Variants in RORA observed in about 807,000 individuals in gnomAD.
RORA encodes the protein nuclear receptor ROR-alpha.
In RORA, 7 loss-of-function variants were observed where a neutral mutation model predicts 69.5. The observed-to-expected ratio is 0.10, with a 90% CI of 0.06 to 0.19. RORA has a LOEUF of 0.19. Among genes scored for constraint, RORA ranks in the 10% least tolerant of loss-of-function variants. The pLI is 1.00. For synonymous variants in RORA, 261 were observed against 240.8 expected (o/e 1.08, Z -0.78); for missense variants, 457 against 663.0 (o/e 0.69, Z 3.41).
At chr15:61,191,097 T>C (rs1287090109) in intron 1 of RORA, among the ~76,000 whole-genome samples, 1 of 152,030 alleles carries the variant, frequency 6.6e-6, no homozygotes, top group Non-Finnish European at 1.5e-5. Flanking sequence ...GGAAACAACA[T>C]AGTCTTTAAA....
At chr15:60,599,983 G>A (rs1240447809) in intron 2 of RORA, among the ~76,000 whole-genome samples, 1 of 152,194 alleles carries the variant, frequency 6.6e-6, no homozygotes, top group East Asian at 1.9e-4. Context: ...TATTTCATCA[G>A]AGTGAAAAGC....
chr15:60,630,980 C>G (rs2069724876), intron 2 of RORA, among the ~76,000 whole-genome samples: 1 of 151,322 alleles, frequency 6.6e-6, no homozygotes, highest in African/African-American at 2.4e-5. Flanking sequence ...TCCTCCACCT[C>G]CTGGGTTCAA....
In RORA at chr15:60,925,273, C is replaced by T. The variant is rs2140493763; in HGVS notation, c.167-246587G>A. Among the ~76,000 whole-genome samples the T allele has an allele frequency of 1.3e-5, 2 of 152,224 alleles. 1 individual carries two copies. Among genetic ancestry groups the T allele is most frequent in the South Asian group, 4.1e-4 (2 of 4,820 alleles). ...GTTGTCAGTTTCTTGGTGCTGGAAC[C>T]TCTCCCAGCTCAGAAGTTGTCACCT... is the stretch of plus-strand genomic sequence containing the variant. On this transcript the variant is annotated intron_variant, in intron 1 of 10. Transcript: ENST00000335670.
chr15:61,078,294 G>A (rs1011596941), intron 1 of RORA, among the ~76,000 whole-genome samples: 1 of 151,242 alleles, frequency 6.6e-6, no homozygotes, highest in Non-Finnish European at 1.5e-5. Context: ...TTCCTGAGTA[G>A]CTGAGATTAC....
At chr15:60,651,782 C>A (rs1386481491) in intron 2 of RORA, among the ~76,000 whole-genome samples, 1 of 152,156 alleles carries the variant, frequency 6.6e-6, no homozygotes, top group Non-Finnish European at 1.5e-5. Context: ...TTTTGAACAG[C>A]CACTTTAGCC....
intron 1 of RORA, among the ~76,000 whole-genome samples, chr15:60,682,730 G>A (rs949511634): frequency 1.3e-5 from 2 of 152,322 alleles, no homozygotes; most frequent in Admixed American, 6.5e-5. Flanking sequence ...GAAGGGCATC[G>A]AACCAAGTCC....
At chr15:60,793,664 G>T (rs1422253821) in intron 1 of RORA, among the ~76,000 whole-genome samples, 1 of 152,250 alleles carries the variant, frequency 6.6e-6, no homozygotes. Flanking sequence ...AGGAAGCCTT[G>T]AGCCTCCAAG....
intron 1 of RORA, among the ~76,000 whole-genome samples, chr15:61,034,361 C>G (rs997361465): frequency 6.6e-6 from 1 of 152,196 alleles, no homozygotes; most frequent in Non-Finnish European, 1.5e-5. Context: ...TTACGTTTCT[C>G]AGACTGCTTG....
rs1290908477 is a variant in RORA at position 60,494,997 on chromosome 15, G to A, written c.*2458C>T. 1 of 152,134 alleles carries A rather than the reference G, an allele frequency of 6.6e-6. No homozygotes were observed. The allele number at this position is 152,134 out of a possible 1,614,324, so 9.4% of individuals were successfully genotyped here. A position where few individuals can be genotyped will look rare whatever the true frequency, so the allele number is the denominator to read the frequency against. On this transcript the variant is annotated 3_prime_UTR_variant, in exon 11 of 11. Transcript: ENST00000335670. Reference sequence around the variant, plus strand: ...GCTCTTTAATGCGCTAGCACCTGAGGCTGGTCATATTCAGAAAGCTTTGGT... The same window carrying A: ...GCTCTTTAATGCGCTAGCACCTGAGACTGGTCATATTCAGAAAGCTTTGGT...
chr15:61,158,384 G>A (rs997949766), intron 1 of RORA, among the ~76,000 whole-genome samples: 1 of 152,154 alleles, frequency 6.6e-6, no homozygotes, highest in Non-Finnish European at 1.5e-5. Context: ...TAGAACTGGC[G>A]GGGGCTGGGA....
intron 1 of RORA, among the ~76,000 whole-genome samples, chr15:61,008,988 C>T (rs1227634093): frequency 6.6e-6 from 1 of 152,166 alleles, no homozygotes; most frequent in Non-Finnish European, 1.5e-5. Flanking sequence ...ATAGGATAAA[C>T]ATCCTATCAG....
At chr15:60,559,153 C>T (rs1048230030) in intron 2 of RORA, among the ~76,000 whole-genome samples, 2 of 151,936 alleles carry the variant, frequency 1.3e-5, no homozygotes, top group African/African-American at 4.8e-5. Context: ...TTACTCTTCT[C>T]GAAAAAATTT....
chr15:60,762,018 T>C (rs2071901537), intron 1 of RORA, among the ~76,000 whole-genome samples: 1 of 152,228 alleles, frequency 6.6e-6, no homozygotes, highest in Non-Finnish European at 1.5e-5. Flanking sequence ...GCAAGAATTT[T>C]ATCTTTAAAA....
At chr15:60,626,721 G>A (rs780645657) in intron 2 of RORA, among the ~76,000 whole-genome samples, 1 of 152,092 alleles carries the variant, frequency 6.6e-6, no homozygotes, top group Non-Finnish European at 1.5e-5. Context: ...AAAATCTGCT[G>A]CTCTCTTGCT....
At chr15:60,671,860 C>T (rs1356115302) in intron 2 of RORA, among the ~76,000 whole-genome samples, 1 of 151,980 alleles carries the variant, frequency 6.6e-6, no homozygotes, top group Admixed American at 6.5e-5. Flanking sequence ...GATCTGCCTG[C>T]CTCGGCCTCC....
intron 1 of RORA, among the ~76,000 whole-genome samples, chr15:61,136,199 C>T (rs536063898): frequency 7.8e-4 from 119 of 152,196 alleles, no homozygotes; most frequent in African/African-American, 2.8e-3. Flanking sequence ...ATATTACCAC[C>T]CACCCTCCCA....
Position 60,495,638 on chromosome 15 carries a change from T to G in RORA, c.*1817A>C, listed in dbSNP as rs557722096. The G allele has an allele frequency of 6.6e-6, 1 of 152,298 alleles. No homozygotes were observed. The highest frequency in any genetic ancestry group is 2.1e-4 in the South Asian group (1 of 4,826). 9.4% of individuals were successfully genotyped at this position (152,298 alleles called of 1,614,324 possible). On this transcript the variant is annotated 3_prime_UTR_variant, in exon 11 of 11. Coordinates refer to ENST00000335670, the MANE Select transcript of RORA (RefSeq NM_134261.3). ...GACCCCAATGGCAGAGGAGACTATTTCTCAGACATAAAGGGCTGCATGGAA... is the reference window on the plus strand; with the variant it reads ...GACCCCAATGGCAGAGGAGACTATTGCTCAGACATAAAGGGCTGCATGGAA...
chr15:60,550,529 G>T (rs763205461), intron 2 of RORA, among the ~76,000 whole-genome samples: 1 of 152,116 alleles, frequency 6.6e-6, no homozygotes, highest in Non-Finnish European at 1.5e-5. Flanking sequence ...ATCAATGAAA[G>T]TGTTACCAGT....
intron 1 of RORA, among the ~76,000 whole-genome samples, chr15:60,881,063 G>GAGAT (rs2073674293): frequency 6.6e-6 from 1 of 152,216 alleles, no homozygotes; most frequent in African/African-American, 2.4e-5. Context: ...AATTAGAAGT[G>GAGAT]AGATGAAAAC....
Sources: allele counts gnomAD v4.1 joint callset (sites outside exome capture counted in the v4.1 genomes callset), GRCh38; gene constraint gnomAD v4.1.1; transcripts MANE v1.5; gene names NCBI Gene and HGNC (gene_info 2026-07-23, HGNC 2026-07-21).